The following ROBO2 variants were observed in gnomAD, a reference collection of about 807,000 sequenced individuals.
The protein encoded by ROBO2 is roundabout guidance receptor 2.
A neutral mutation model predicts 160.8 loss-of-function variants in ROBO2; 53 were observed. The observed-to-expected ratio is 0.33, with a 90% CI of 0.26 to 0.41. The LOEUF (loss-of-function observed/expected upper bound fraction) is 0.41. ROBO2 is among the 10% of genes least tolerant of loss of function. The probability of loss-of-function intolerance (pLI) is 1.00; values close to 1 mark genes in which losing one functional copy is unlikely to be tolerated. For missense variants in ROBO2, 1,577 were observed against 1,722.4 expected, an observed-to-expected ratio of 0.92 and a Z score of 1.49; for synonymous variants, 664 against 611.7, an observed-to-expected ratio of 1.09 and a Z score of -1.26.
At chr3:77,451,709 A>G (rs2153562557) in intron 2 of ROBO2, among the ~76,000 whole-genome samples, 1 of 149,254 alleles carries the variant, frequency 6.7e-6, no homozygotes, top group Non-Finnish European at 1.5e-5. Flanking sequence ...TCTCCCTTCT[A>G]CTCTTTCTTT....
At chr3:77,099,079 T>G (rs2071539034) in intron 2 of ROBO2, among the ~76,000 whole-genome samples, 1 of 147,300 alleles carries the variant, frequency 6.8e-6, no homozygotes, top group South Asian at 2.2e-4. Flanking sequence ...TTCTTTTTTT[T>G]TTTTTTTTTT....
chr3:76,870,834 T>C (rs975885615), intron 2 of ROBO2, among the ~76,000 whole-genome samples: 6 of 151,898 alleles, frequency 4.0e-5, no homozygotes, highest in African/African-American at 1.4e-4. Context: ...AATTGCTTCA[T>C]TGCATACCCA....
Position 76,369,473 on chromosome 3 carries a change from A to T in ROBO2, c.109+431871A>T, listed in dbSNP as rs77935833. ...ACTTATAAATAACCCCTTTATGCTG[A>T]TGACTTGCATAGTTAGATCTCTTTC... On this transcript the variant is annotated intron_variant, in intron 2 of 26. Transcript: ENST00000487694. 3.3e-3 allele frequency among the ~76,000 whole-genome samples: 500 copies of T among 152,048 alleles called. 4 individuals carry two copies. Among genetic ancestry groups the T allele is most frequent in the African/African-American group, 0.011 (466 of 41,508 alleles).
chr3:76,489,574 G>C (rs991394406), intron 2 of ROBO2, among the ~76,000 whole-genome samples: 3 of 152,092 alleles, frequency 2.0e-5, no homozygotes, highest in Non-Finnish European at 4.4e-5. Context: ...AACATCATCA[G>C]CAAATGCATA....
chr3:77,476,688 G>C (rs915586385), intron 2 of ROBO2, among the ~76,000 whole-genome samples: 1 of 152,142 alleles, frequency 6.6e-6, no homozygotes, highest in Non-Finnish European at 1.5e-5. Flanking sequence ...GGAGAGGCAG[G>C]CATGCCAGAT....
intron 2 of ROBO2, among the ~76,000 whole-genome samples, chr3:76,834,350 G>A (rs1369230142): frequency 6.6e-6 from 1 of 151,268 alleles, no homozygotes; most frequent in African/African-American, 2.4e-5. Flanking sequence ...ACCATGCCCT[G>A]CTAATTATTT....
intron 2 of ROBO2, among the ~76,000 whole-genome samples, chr3:76,773,293 T>G (rs1264027967): frequency 6.6e-6 from 1 of 151,090 alleles, no homozygotes; most frequent in Admixed American, 6.6e-5. Flanking sequence ...ATTCTGTTTT[T>G]TTTAATGAGA....
At chr3:77,514,095 T>A (rs539943442) in intron 5 of ROBO2, among the ~76,000 whole-genome samples, 1 of 151,702 alleles carries the variant, frequency 6.6e-6, no homozygotes. Flanking sequence ...ACCTTCTACA[T>A]TGACACTGAT....
intron 2 of ROBO2, among the ~76,000 whole-genome samples, chr3:76,455,271 G>C (rs1451637214): frequency 6.6e-6 from 1 of 152,044 alleles, no homozygotes; most frequent in Non-Finnish European, 1.5e-5. Flanking sequence ...CTTCATAAAT[G>C]TTTCGTTTTA....
intron 2 of ROBO2, among the ~76,000 whole-genome samples, chr3:77,152,366 C>T (rs1056341191): frequency 2.6e-5 from 4 of 152,164 alleles, no homozygotes; most frequent in Non-Finnish European, 5.9e-5. Flanking sequence ...ATCAGTAAAA[C>T]ATATTAATGA....
chr3:76,672,383 T>C (rs894067865), intron 2 of ROBO2, among the ~76,000 whole-genome samples: 1 of 152,174 alleles, frequency 6.6e-6, no homozygotes, highest in African/African-American at 2.4e-5. Context: ...AATATCTTTA[T>C]TTTGGAAGAA....
intron 2 of ROBO2, among the ~76,000 whole-genome samples, chr3:76,717,769 C>G (rs1449983020): frequency 1.3e-5 from 2 of 150,232 alleles, no homozygotes; most frequent in African/African-American, 2.5e-5. Flanking sequence ...AAAAGCAAAA[C>G]CTCCTGATGT....
chr3:77,448,325 C>T (rs954760815), intron 2 of ROBO2, among the ~76,000 whole-genome samples: 4 of 152,078 alleles, frequency 2.6e-5, no homozygotes, highest in African/African-American at 9.7e-5. Context: ...GCCCCAGTGA[C>T]CACAAACAGC....
chr3:77,580,872 C>G (rs2093900674), intron 16 of ROBO2, among the ~76,000 whole-genome samples: 1 of 151,964 alleles, frequency 6.6e-6, no homozygotes, highest in Non-Finnish European at 1.5e-5. Context: ...GGTCTAATGT[C>G]TGGGTAAAAG....
At chr3:77,543,407 A>T (rs1055323592) in intron 6 of ROBO2, among the ~76,000 whole-genome samples, 2 of 152,188 alleles carry the variant, frequency 1.3e-5, no homozygotes, top group Non-Finnish European at 2.9e-5. Context: ...TGGATGAATT[A>T]TGTCTTTTCA....
intron 2 of ROBO2, among the ~76,000 whole-genome samples, chr3:77,459,966 G>A (rs970971544): frequency 6.6e-6 from 1 of 151,750 alleles, no homozygotes; most frequent in African/African-American, 2.4e-5. Context: ...GTCCTTCGGA[G>A]AATTTTATGT....
chr3:77,454,976 G>A (rs1451200274), intron 2 of ROBO2, among the ~76,000 whole-genome samples: 1 of 152,140 alleles, frequency 6.6e-6, no homozygotes, highest in East Asian at 1.9e-4. Flanking sequence ...TATAAAAGTG[G>A]CTTAAACTAG....
At position 76,968,713 on chromosome 3, in the gene ROBO2, C is replaced by T. The variant is rs184875103; in HGVS notation, c.110-129301C>T. 1.8e-4 allele frequency among the ~76,000 whole-genome samples: 27 copies of T among 152,072 alleles called. 2 individuals are homozygous for T. Among genetic ancestry groups the T allele is most frequent in the Admixed American group, 1.4e-3 (22 of 15,276 alleles). ...TTGTAGGCTATTATATGCATGTTTT[C>T]GTCAGGTTTGTATTGTTTGCCAGAA... is the stretch of plus-strand genomic sequence containing the variant. On this transcript the variant is annotated intron_variant, in intron 2 of 26. Coordinates refer to the ROBO2 transcript ENST00000487694.
chr3:77,301,880 C>CTT (rs540906873), intron 2 of ROBO2, among the ~76,000 whole-genome samples: 341 of 145,770 alleles, frequency 2.3e-3, no homozygotes, highest in Middle Eastern at 0.014. Flanking sequence ...CTTCAATTTC[C>CTT]TTTTTTTTTT....
Sources: gnomAD v4.1 joint callset for allele counts (sites outside exome capture counted in the v4.1 genomes callset) on GRCh38, gnomAD v4.1.1 for gene constraint, MANE v1.5 for transcripts, NCBI Gene and HGNC (gene_info 2026-07-23, HGNC 2026-07-21) for gene names.